Variants in ARFGEF1 observed in about 807,000 individuals in gnomAD.
ARFGEF1 encodes brefeldin A-inhibited guanine nucleotide-exchange protein 1.
ARFGEF1 carries 42 observed loss-of-function variants against 231.0 expected under a neutral mutation model. The observed-to-expected ratio is 0.18, with a 90% CI of 0.14 to 0.24. ARFGEF1 has a LOEUF of 0.24. Among genes scored for constraint, ARFGEF1 ranks in the 10% least tolerant of loss-of-function variants. ARFGEF1 has a pLI of 1.00. For synonymous variants in ARFGEF1, 710 were observed against 732.3 expected, an observed-to-expected ratio of 0.97 and a Z score of 0.49; for missense variants, 1,345 against 2,192.0, an observed-to-expected ratio of 0.61 and a Z score of 7.72.
At chr8:67,338,511 G>A (rs1285352529) in intron 1 of ARFGEF1, among the ~76,000 whole-genome samples, 1 of 152,164 alleles carries the variant, frequency 6.6e-6, no homozygotes, top group Non-Finnish European at 1.5e-5. Context: ...ATGTTCATGT[G>A]CATTATAAAT....
intron 5 of ARFGEF1, among the ~76,000 whole-genome samples, chr8:67,295,357 T>C (rs929083406): frequency 2.6e-5 from 4 of 152,188 alleles, no homozygotes; most frequent in Non-Finnish European, 5.9e-5. Context: ...TGGAGGAACC[T>C]GACAGATAAC....
At chr8:67,208,728 C>T (rs781059160) in intron 34 of ARFGEF1, among the ~76,000 whole-genome samples, 2 of 151,312 alleles carry the variant, frequency 1.3e-5, no homozygotes, top group Non-Finnish European at 2.9e-5. Flanking sequence ...ACACCAAAGG[C>T]ATGACTAACA....
intron 19 of ARFGEF1, among the ~76,000 whole-genome samples, chr8:67,248,874 AATGCTTTGTCAAATT>A (rs1840185366): frequency 6.6e-6 from 1 of 150,682 alleles, no homozygotes; most frequent in Admixed American, 6.6e-5. Context: ...TTGTTTCATG[AATGCTTTGTCAAATT>A]ATGACAAAGT....
intron 1 of ARFGEF1, among the ~76,000 whole-genome samples, chr8:67,329,175 G>A (rs554140561): frequency 2.6e-5 from 4 of 152,036 alleles, no homozygotes; most frequent in East Asian, 1.9e-4. Flanking sequence ...GCCGTGAGCC[G>A]ACATGGCACC....
At chr8:67,289,438 T>A (rs1005594941) in intron 6 of ARFGEF1, among the ~76,000 whole-genome samples, 1 of 150,578 alleles carries the variant, frequency 6.6e-6, no homozygotes, top group Non-Finnish European at 1.5e-5. Flanking sequence ...CCTATAGTCT[T>A]AGTTACTTGG....
intron 6 of ARFGEF1, among the ~76,000 whole-genome samples, chr8:67,289,474 C>T (rs897299879): frequency 4.2e-4 from 60 of 142,156 alleles, no homozygotes; most frequent in Middle Eastern, 3.6e-3. Flanking sequence ...GGATCGCTTG[C>T]GCCTGGGAGG....
intron 30 of ARFGEF1, among the ~76,000 whole-genome samples, 200 bp from the exon 31 acceptor site, chr8:67,218,338 G>C (rs1453996102): frequency 6.7e-6 from 1 of 149,362 alleles, no homozygotes; most frequent in Non-Finnish European, 1.5e-5. Flanking sequence ...GATATCTATT[G>C]CTCCTTATTA....
At chr8:67,192,239 T>C (rs1347882580) in intron 5 of ARFGEF1, among the ~76,000 whole-genome samples, 1 of 152,094 alleles carries the variant, frequency 6.6e-6, no homozygotes, top group Non-Finnish European at 1.5e-5. Context: ...CACGCCTGGC[T>C]AAGTTTTGTA....
At chr8:67,229,515 G>A (rs1839486443) in intron 23 of ARFGEF1, among the ~76,000 whole-genome samples, 1 of 152,040 alleles carries the variant, frequency 6.6e-6, no homozygotes, top group Non-Finnish European at 1.5e-5. Flanking sequence ...CTAAAGAAAT[G>A]TCTTAAGATT....
intron 35 of ARFGEF1, among the ~76,000 whole-genome samples, chr8:67,203,949 C>T (rs1024417897): frequency 1.3e-5 from 2 of 152,174 alleles, no homozygotes; most frequent in African/African-American, 4.8e-5. Flanking sequence ...GTATGAGGTA[C>T]TATCTCCACT....
chr8:67,219,716 G>C (rs768702592), intron 29 of ARFGEF1, among the ~76,000 whole-genome samples, 156 bp from the exon 30 acceptor site: 8 of 152,016 alleles, frequency 5.3e-5, no homozygotes, highest in Non-Finnish European at 1.0e-4. Context: ...TAAGTTGTAA[G>C]AACAACAGGT....
intron 1 of ARFGEF1, among the ~76,000 whole-genome samples, chr8:67,321,175 G>A (rs62513146): frequency 1.4e-5 from 2 of 140,614 alleles, no homozygotes; most frequent in African/African-American, 5.3e-5. Context: ...GGGGGGGTTT[G>A]GGGGTGCTAA....
intron 35 of ARFGEF1, among the ~76,000 whole-genome samples, chr8:67,204,329 G>A (rs1490472986): frequency 6.6e-6 from 1 of 152,126 alleles, no homozygotes; most frequent in Non-Finnish European, 1.5e-5. Context: ...TTTAACAAGC[G>A]ACTGATCACA....
chr8:67,260,956 C>T (rs1297302567), intron 14 of ARFGEF1, among the ~76,000 whole-genome samples: 1 of 152,194 alleles, frequency 6.6e-6, no homozygotes, highest in Admixed American at 6.5e-5. Context: ...ACAACATTAC[C>T]TTAAGGCAAA....
At chr8:67,176,137 A>G (rs972552898) in intron 5 of ARFGEF1, among the ~76,000 whole-genome samples, 2 of 152,112 alleles carry the variant, frequency 1.3e-5, no homozygotes, top group Non-Finnish European at 2.9e-5. Flanking sequence ...CTCAGAGAGC[A>G]CTGATGGGCC....
intron 19 of ARFGEF1, among the ~76,000 whole-genome samples, chr8:67,246,171 A>T (rs146955394): frequency 1.3e-5 from 2 of 150,568 alleles, no homozygotes; most frequent in East Asian, 3.9e-4. Flanking sequence ...TAACAGCTGG[A>T]GACTTCAACA....
At chr8:67,179,180 A>G (rs1483807509) in intron 5 of ARFGEF1, among the ~76,000 whole-genome samples, 1 of 152,008 alleles carries the variant, frequency 6.6e-6, no homozygotes, top group African/African-American at 2.4e-5. Flanking sequence ...TGTACTGCAA[A>G]ATTCTCTATA....
intron 19 of ARFGEF1, among the ~76,000 whole-genome samples, chr8:67,246,911 A>T (rs1467279755): frequency 1.3e-5 from 2 of 150,390 alleles, no homozygotes; most frequent in Non-Finnish European, 3.0e-5. Context: ...GAAAAAGGAG[A>T]CATTACAACT....
chr8:67,190,507 T>C, intron 5 of ARFGEF1: 2 of 628,370 alleles, frequency 3.2e-6, no homozygotes, highest in South Asian at 4.0e-5. Context: ...ACTAAAAAAA[T>C]CACCGAACTG....
Sources: allele counts gnomAD v4.1 joint callset (sites outside exome capture counted in the v4.1 genomes callset), GRCh38; gene constraint gnomAD v4.1.1; transcripts MANE v1.5; gene names NCBI Gene and HGNC (gene_info 2026-07-23, HGNC 2026-07-21).